The following EIF4ENIF1 variants were observed in gnomAD, a reference collection of about 807,000 sequenced individuals.
The protein encoded by EIF4ENIF1 is eukaryotic translation initiation factor 4E nuclear import factor 1.
Under a neutral mutation model 110.5 loss-of-function variants are expected in EIF4ENIF1, and 23 were observed. The ratio of observed to expected loss-of-function variants is 0.21; its 90% CI spans 0.15 to 0.29. EIF4ENIF1 has a LOEUF of 0.29. EIF4ENIF1 is among the 10% of genes least tolerant of loss of function. The pLI, the probability that EIF4ENIF1 is intolerant of heterozygous loss-of-function variation, is 1.00. For synonymous variants in EIF4ENIF1, 440 were observed against 437.0 expected (o/e 1.01, Z -0.09); for missense variants, 1,031 against 1,221.1 (o/e 0.84, Z 2.32).
intron 1 of EIF4ENIF1, 150 bp downstream of exon 1, chr22:31,489,544 G>A (rs1364742305): frequency 6.7e-6 from 1 of 149,364 alleles, no homozygotes; most frequent in Non-Finnish European, 1.5e-5. Context: ...CGCCTTGCGG[G>A]CCTCGCGCCC....
At chr22:31,486,266 G>A (rs1158018649) in intron 2 of EIF4ENIF1, among the ~76,000 whole-genome samples, 2 of 72,006 alleles carry the variant, frequency 2.8e-5, no homozygotes, top group Non-Finnish European at 5.4e-5. Context: ...GCGAAACTCC[G>A]TCTCAAAAAA....
intron 2 of EIF4ENIF1, among the ~76,000 whole-genome samples, chr22:31,483,253 G>C (rs1040403852): frequency 4.9e-5 from 5 of 102,634 alleles, no homozygotes; most frequent in Admixed American, 1.3e-4. Flanking sequence ...TCTTTTTGTT[G>C]CACAGGCTGT....
intron 14 of EIF4ENIF1, chr22:31,446,977 T>C (rs2050498278): frequency 2.1e-6 from 1 of 468,390 alleles, no homozygotes; most frequent in Admixed American, 2.4e-5. Context: ...GTAGCAAACC[T>C]GCATCAAGGG....
At chr22:31,444,726 C>A in intron 14 of EIF4ENIF1, 36 bp from the exon 15 acceptor site, 1 of 1,595,710 alleles carries the variant, frequency 6.3e-7, no homozygotes, top group African/African-American at 1.3e-5. Flanking sequence ...GAACCCCAAT[C>A]TGCTTAACTT....
intron 2 of EIF4ENIF1, among the ~76,000 whole-genome samples, chr22:31,481,376 G>C (rs1569105841): frequency 6.6e-6 from 1 of 151,638 alleles, no homozygotes; most frequent in Non-Finnish European, 1.5e-5. Flanking sequence ...TGCCCAGTCT[G>C]GTCGTGAACT....
chr22:31,445,964 C>A (rs935034263), intron 14 of EIF4ENIF1, among the ~76,000 whole-genome samples: 1 of 148,980 alleles, frequency 6.7e-6, no homozygotes, highest in Admixed American at 6.7e-5. Flanking sequence ...CCCCCCCCCC[C>A]CATCTACCTC....
intron 7 of EIF4ENIF1, among the ~76,000 whole-genome samples, chr22:31,458,120 C>G (rs2050883554): frequency 6.6e-6 from 1 of 151,530 alleles, no homozygotes; most frequent in African/African-American, 2.4e-5. Flanking sequence ...CCCAACTACT[C>G]AGGAGGCTGA....
chr22:31,455,951 C>T lies in EIF4ENIF1; in HGVS notation c.1000G>A (p.Ala334Thr). The T allele has an allele frequency of 6.2e-7, 1 of 1,614,174 alleles. No homozygotes were observed. Among genetic ancestry groups the T allele is most frequent in the Non-Finnish European group, 8.5e-7 (1 of 1,180,022 alleles). The change falls in exon 8 of 19, where the codon GCC becomes ACC. Residue 334 changes from alanine (A) to threonine (T), a missense_variant. Physicochemically the swap from Ala to Thr is moderately conservative, Grantham distance 58. Transcript: ENST00000330125. ...EDVLGEGSVS[A>T]SRFSRWFSNP... ...GAGAACCACCTACTGAACCGACTGG[C>T]AGAGACTGACCCTTCTCCCAAAACA... is the stretch of plus-strand genomic sequence containing the variant.
At chr22:31,490,992 G>A (rs2052259166), upstream of EIF4ENIF1, among the ~76,000 whole-genome samples, 2 of 152,188 alleles carry the variant, frequency 1.3e-5, no homozygotes, top group South Asian at 4.1e-4. Flanking sequence ...CTTTTCGTTT[G>A]TATTACTGAA....
chr22:31,448,284 G>A (rs9621258), intron 12 of EIF4ENIF1, 52 bp from the exon 13 acceptor site: 79,475 of 1,574,554 alleles, frequency 0.05, 2,320 homozygotes, highest in Non-Finnish European at 0.059. Flanking sequence ...TGTGCATCAG[G>A]GAGGCATTTT....
rs781249940 is a variant in EIF4ENIF1 at position 31,442,958 on chromosome 22, G to A, written c.2206+4C>T. The A allele has an allele frequency of 6.2e-6, 10 of 1,613,928 alleles. 1 individual carries two copies. The South Asian group carries it at 8.8e-5, about 14-fold the overall frequency. The stretch of plus-strand genomic sequence containing the variant: ...GAGCAGTGCCCTTAACAGCTCTGCA[G>A]TACCTTCACTGGCCTTCTGAGTATC... On this transcript the variant is annotated splice_donor_region_variant and intron_variant, in intron 16 of 18. Transcript: ENST00000330125.
At position 31,454,141 on chromosome 22, in the gene EIF4ENIF1, T is replaced by TA; in HGVS notation, c.1512+2dup. ...GGGTGGGGGGTTTGTGTCAGATACT[T>TA]ACGCTGACTTTGGGCTGAGAAGGCA... is the stretch of plus-strand genomic sequence containing the variant. On this transcript the variant is annotated splice_region_variant and intron_variant, in intron 10 of 18. Transcript: ENST00000330125. 1 of 1,613,856 alleles carries TA rather than the reference T, an allele frequency of 6.2e-7. No homozygotes were observed. The highest frequency in any genetic ancestry group is 8.5e-7 in the Non-Finnish European group (1 of 1,179,736).
Position 31,486,018 on chromosome 22 carries a change from G to A in EIF4ENIF1, c.96+2605C>T, listed in dbSNP as rs557540438. Among the ~76,000 whole-genome samples, 14 of 152,058 alleles carry A rather than the reference G, an allele frequency of 9.2e-5. No individual in the cohort carries two copies. In the East Asian group the frequency reaches 1.9e-3, roughly 21 times the overall value. Reference sequence around the variant, plus strand: ...TTCCAGCATTTTGGGGGGCCGAGGCGGGTGGATCACCTGAGGTCAGGAGTT... The same window carrying A: ...TTCCAGCATTTTGGGGGGCCGAGGCAGGTGGATCACCTGAGGTCAGGAGTT... On this transcript the variant is annotated intron_variant, in intron 2 of 18. Transcript: ENST00000330125.
intron 6 of EIF4ENIF1, among the ~76,000 whole-genome samples, chr22:31,461,439 G>GT (rs932919082): frequency 6.6e-6 from 1 of 151,910 alleles, no homozygotes; most frequent in Non-Finnish European, 1.5e-5. Flanking sequence ...AGGAAACTAG[G>GT]TTTTTTTGGT....
At position 31,471,835 on chromosome 22, in the gene EIF4ENIF1, C is replaced by T. The variant is rs201348441; in HGVS notation, c.170+9G>A. ...TAGAAGTAGTTAAGGACTAGAATGA[C>T]ACACATACCTGTCATATTTTTCAGA... is the stretch of plus-strand genomic sequence containing the variant. On this transcript the variant is annotated intron_variant, in intron 3 of 18. Coordinates refer to ENST00000330125, the MANE Select transcript of EIF4ENIF1 (RefSeq NM_019843.4). 56 of 1,597,386 alleles carry T rather than the reference C, an allele frequency of 3.5e-5. No individual in the cohort carries two copies. Among genetic ancestry groups the T allele is most frequent in the Admixed American group, 5.4e-5 (3 of 55,742 alleles).
chr22:31,449,371 C>T lies in EIF4ENIF1; in HGVS notation c.1745G>A (p.Arg582His), dbSNP rs772161382. Residue 582 changes from arginine (R) to histidine (H), a missense_variant, in exon 12 of 19, where the codon CGC becomes CAC. Physicochemically the swap from Arg to His is conservative, Grantham distance 29. Coordinates refer to ENST00000330125, the MANE Select transcript of EIF4ENIF1 (RefSeq NM_019843.4). Reference sequence around the variant, plus strand: ...ACCAATTGGTGATGGTATTCTTGGGCGAAGGTAGTCAGCTGAGGCTGCTCG... The same window carrying T: ...ACCAATTGGTGATGGTATTCTTGGGTGAAGGTAGTCAGCTGAGGCTGCTCG... Reference protein sequence around the residue: ...QTRAASADYLRPRIPSPIGFT... With the variant: ...QTRAASADYLHPRIPSPIGFT... The T allele has an allele frequency of 6.8e-6, 11 of 1,613,494 alleles. No individual in the cohort carries two copies. The highest frequency in any genetic ancestry group is 3.3e-5 in the Admixed American group (2 of 59,808).
chr22:31,461,735 A>G (rs892202188), intron 6 of EIF4ENIF1: 1 of 152,246 alleles, frequency 6.6e-6, no homozygotes, highest in Non-Finnish European at 1.5e-5. Flanking sequence ...ACTCATCCTG[A>G]AACTAAGTTT....
rs1601575842 is a variant in EIF4ENIF1 at position 31,450,572 on chromosome 22, G to A, written c.1513-212C>T. ...AAGACCGTTCACATGTACATGCAAAGTCCCCTCAGAGATCCTCACTATGCT... is the reference window on the plus strand; with the variant it reads ...AAGACCGTTCACATGTACATGCAAAATCCCCTCAGAGATCCTCACTATGCT... On this transcript the variant is annotated intron_variant, in intron 10 of 18. Transcript: ENST00000330125. 3.7e-5 allele frequency: 16 copies of A among 431,990 alleles called. No individual in the cohort carries two copies. In the East Asian group the frequency reaches 7.3e-4, roughly 20 times the overall value. The allele number at this position is 431,990 out of a possible 1,614,324, so 26.8% of individuals were successfully genotyped here.
At chr22:31,455,411 T>C in intron 8 of EIF4ENIF1, 96 bp from the exon 9 acceptor site, 2 of 1,099,758 alleles carry the variant, frequency 1.8e-6, no homozygotes, top group Non-Finnish European at 1.2e-6. Context: ...TTTTTTTTTT[T>C]TCTTTGAGAT....
Sources: allele counts gnomAD v4.1 joint callset (sites outside exome capture counted in the v4.1 genomes callset), GRCh38; gene constraint gnomAD v4.1.1; transcripts MANE v1.5; gene names NCBI Gene and HGNC (gene_info 2026-07-23, HGNC 2026-07-21).